STXBP6: variants seen among roughly 807,000 people sequenced by gnomAD.
STXBP6 encodes the protein syntaxin-binding protein 6.
A neutral mutation model predicts 26.9 loss-of-function variants in STXBP6; 21 were observed. The ratio of observed to expected loss-of-function variants is 0.78; its 90% confidence interval spans 0.55 to 1.12. The LOEUF (loss-of-function observed/expected upper bound fraction) is 1.12. Among genes scored for constraint, STXBP6 ranks in the 50% most tolerant of loss-of-function variants. The pLI is 0.00. For synonymous variants in STXBP6, 97 were observed against 92.6 expected, an observed-to-expected ratio of 1.05 and a Z score of -0.27; for missense variants, 232 against 257.9, an observed-to-expected ratio of 0.90 and a Z score of 0.69.
At chr14:24,840,923 TAC>T (rs1421306799) in intron 4 of STXBP6, among the ~76,000 whole-genome samples, 1 of 152,186 alleles carries the variant, frequency 6.6e-6, no homozygotes, top group African/African-American at 2.4e-5. Flanking sequence ...CCATTGAACA[TAC>T]AGCATGTATT....
chr14:24,931,428 A>AT (rs2072404039), intron 2 of STXBP6, among the ~76,000 whole-genome samples: 1 of 152,204 alleles, frequency 6.6e-6, no homozygotes, highest in African/African-American at 2.4e-5. Context: ...TGTAAAAAAA[A>AT]GCTAAATGTT....
intron 2 of STXBP6, among the ~76,000 whole-genome samples, chr14:24,950,115 T>C (rs542828210): frequency 1.6e-4 from 24 of 152,286 alleles, no homozygotes; most frequent in African/African-American, 5.8e-4. Flanking sequence ...ACTGGCTTTC[T>C]TATACCTGTC....
At chr14:24,819,272 C>T (rs2068071795) in intron 4 of STXBP6, 78 bp from the exon 5 acceptor site, 6 of 1,561,262 alleles carry the variant, frequency 3.8e-6, no homozygotes, top group Non-Finnish European at 5.3e-6. Flanking sequence ...GGTGAGTATC[C>T]TGTAAGAGGA....
intron 2 of STXBP6, among the ~76,000 whole-genome samples, chr14:24,944,924 G>T (rs560334948): frequency 1.6e-4 from 24 of 152,180 alleles, no homozygotes; most frequent in African/African-American, 5.5e-4. Context: ...CAAACAATAA[G>T]ATCTCAGAGA....
chr14:24,994,142 C>T (rs2074540120), intron 1 of STXBP6, among the ~76,000 whole-genome samples: 2 of 152,200 alleles, frequency 1.3e-5, no homozygotes, highest in Admixed American at 1.3e-4. Flanking sequence ...TGGACCCTGA[C>T]TCATGAAGTA....
chr14:25,045,358 G>C (rs2075708911), intron 1 of STXBP6, among the ~76,000 whole-genome samples: 1 of 151,964 alleles, frequency 6.6e-6, no homozygotes, highest in Non-Finnish European at 1.5e-5. Flanking sequence ...CCCTTTATAA[G>C]AGCAAACTGA....
Position 24,993,593 on chromosome 14 carries a change from A to G in STXBP6, c.-32-18743T>C, listed in dbSNP as rs147291218. Among the ~76,000 whole-genome samples, 225 of 152,282 alleles carry G rather than the reference A, an allele frequency of 1.5e-3. 1 individual carries two copies. The highest frequency in any genetic ancestry group is 5.3e-3 in the African/African-American group (219 of 41,564). On this transcript the variant is annotated intron_variant, in intron 1 of 5. Coordinates refer to ENST00000323944, the MANE Select transcript of STXBP6 (RefSeq NM_001394410.1). Reference sequence around the variant, plus strand: ...TACTTTTCTGAAATGCCTGGGGTAGATTATTTTCCAGCAGTCTGTCAGCCC... The same window carrying G: ...TACTTTTCTGAAATGCCTGGGGTAGGTTATTTTCCAGCAGTCTGTCAGCCC...
intron 1 of STXBP6, among the ~76,000 whole-genome samples, chr14:24,986,506 C>T (rs992392302): frequency 6.6e-6 from 1 of 152,186 alleles, no homozygotes; most frequent in Non-Finnish European, 1.5e-5. Flanking sequence ...CCTGAAAGCA[C>T]ACACTAACCA....
intron 3 of STXBP6, 84 bp from the exon 4 acceptor site, chr14:24,856,185 G>T (rs2069327422): frequency 2.3e-6 from 3 of 1,331,722 alleles, no homozygotes; most frequent in Admixed American, 2.8e-5. Flanking sequence ...GATTTATAAG[G>T]GCTAAAACAA....
chr14:24,833,699 AT>A (rs569947916), intron 4 of STXBP6, among the ~76,000 whole-genome samples: 1 of 152,074 alleles, frequency 6.6e-6, no homozygotes, highest in Non-Finnish European at 1.5e-5. Flanking sequence ...GTTATGCAGC[AT>A]TTTTTTTAAT....
intron 4 of STXBP6, among the ~76,000 whole-genome samples, chr14:24,846,402 G>GT (rs1325475314): frequency 1.3e-5 from 2 of 151,970 alleles, no homozygotes; most frequent in Non-Finnish European, 2.9e-5. Flanking sequence ...TGACTAACAC[G>GT]TTATGCCTTT....
intron 2 of STXBP6, among the ~76,000 whole-genome samples, chr14:24,963,100 G>GT (rs903653559): frequency 5.9e-5 from 9 of 152,138 alleles, no homozygotes; most frequent in African/African-American, 2.2e-4. Context: ...TTTTCCCATT[G>GT]TTTTTTTCCC....
intron 4 of STXBP6, among the ~76,000 whole-genome samples, chr14:24,841,504 G>T (rs937017853): frequency 6.6e-6 from 1 of 152,040 alleles, no homozygotes. Context: ...TCAAATACTG[G>T]TTTTCTGCCA....
intron 1 of STXBP6, among the ~76,000 whole-genome samples, chr14:25,016,446 CAG>C (rs2075149486): frequency 1.3e-5 from 2 of 152,144 alleles, no homozygotes; most frequent in African/African-American, 4.8e-5. Context: ...AGGCAATCCT[CAG>C]AGAGTGAGTA....
intron 1 of STXBP6, among the ~76,000 whole-genome samples, chr14:25,018,922 G>A (rs2075209390): frequency 6.6e-6 from 1 of 152,200 alleles, no homozygotes; most frequent in Admixed American, 6.5e-5. Context: ...ACTGACAATT[G>A]CTAGAGGATC....
intron 2 of STXBP6, among the ~76,000 whole-genome samples, chr14:24,953,350 G>A (rs1018500862): frequency 6.6e-6 from 1 of 152,160 alleles, no homozygotes; most frequent in African/African-American, 2.4e-5. Flanking sequence ...CAGGTTGCCA[G>A]GATGAGGATG....
intron 4 of STXBP6, among the ~76,000 whole-genome samples, chr14:24,837,997 C>T (rs1469703356): frequency 6.6e-6 from 1 of 152,222 alleles, no homozygotes; most frequent in Non-Finnish European, 1.5e-5. Flanking sequence ...GATCTAGATT[C>T]AGTTTCCCAA....
At position 24,810,863 on chromosome 14, in the gene STXBP6, CTCTG is replaced by C. The variant is rs1481219344; in HGVS notation, c.*1842_*1845del. The stretch of plus-strand genomic sequence containing the variant: ...ATCCAATTTGGAAAGATAAATACAT[CTCTG>C]TGTGTGTGTGTGTGTGTGTGTGTGT... On this transcript the variant is annotated 3_prime_UTR_variant, in exon 6 of 6. Coordinates refer to ENST00000323944, the MANE Select transcript of STXBP6 (RefSeq NM_001394410.1). The C allele has an allele frequency of 4.0e-5, 1 of 24,722 alleles. No homozygotes were observed. Among genetic ancestry groups the C allele is most frequent in the African/African-American group, 1.1e-4 (1 of 9,326 alleles). The allele number at this position is 24,722 out of a possible 1,614,324, so 1.5% of individuals were successfully genotyped here.
chr14:24,939,120 T>A (rs578169722), intron 2 of STXBP6, among the ~76,000 whole-genome samples: 139 of 152,352 alleles, frequency 9.1e-4, no homozygotes, highest in Non-Finnish European at 1.7e-3. Context: ...TCTGATAAAG[T>A]ATCACTGATT....
Sources: allele counts gnomAD v4.1 joint callset (sites outside exome capture counted in the v4.1 genomes callset), GRCh38; gene constraint gnomAD v4.1.1; transcripts MANE v1.5; gene names NCBI Gene and HGNC (gene_info 2026-07-23, HGNC 2026-07-21).